NEBL: variants seen among roughly 807,000 people sequenced by gnomAD.
NEBL encodes nebulette, also known as LIM and SH3 protein 2.
In NEBL, 122 loss-of-function variants were observed where a neutral mutation model predicts 140.2. The ratio of observed to expected loss-of-function variants is 0.87; its 90% CI spans 0.75 to 1.01. NEBL has a LOEUF of 1.01. Ranked by LOEUF, NEBL falls within the 50% of genes least tolerant of loss-of-function variation. The probability of loss-of-function intolerance (pLI) is 0.00; values close to 1 mark genes in which losing one functional copy is unlikely to be tolerated. For missense variants in NEBL, 1,365 were observed against 1,231.3 expected (o/e 1.11, Z -1.62); for synonymous variants, 436 against 398.9 (o/e 1.09, Z -1.11).
intron 2 of NEBL, among the ~76,000 whole-genome samples, chr10:21,107,654 C>T (rs1357418636): frequency 1.3e-5 from 2 of 152,102 alleles, no homozygotes; most frequent in East Asian, 3.9e-4. Flanking sequence ...CTCTTCCAGG[C>T]TTTGGTATCA....
At chr10:21,288,820 G>GTGTGTATATA (rs1477748950) in intron 1 of NEBL, among the ~76,000 whole-genome samples, 2 of 35,026 alleles carry the variant, frequency 5.7e-5, no homozygotes, top group African/African-American at 1.9e-4. Context: ...GTGTGTGTGT[G>GTGTGTATATA]TATATATATA....
At chr10:21,031,416 G>A (rs1212925054) in intron 2 of NEBL, among the ~76,000 whole-genome samples, 1 of 152,184 alleles carries the variant, frequency 6.6e-6, no homozygotes, top group Non-Finnish European at 1.5e-5. Flanking sequence ...CAAAAACCAG[G>A]CATAGCAATG....
At chr10:21,208,788 A>ACCC (rs1199755956) in intron 3 of NEBL, among the ~76,000 whole-genome samples, 6 of 151,686 alleles carry the variant, frequency 4.0e-5, no homozygotes, top group Non-Finnish European at 8.8e-5. Context: ...CAGCCCTACA[A>ACCC]CCCCACTTAA....
intron 3 of NEBL, among the ~76,000 whole-genome samples, chr10:21,180,173 A>G (rs1208938976): frequency 6.6e-6 from 1 of 152,072 alleles, no homozygotes; most frequent in Non-Finnish European, 1.5e-5. Flanking sequence ...GCAAGGAAAC[A>G]GATTATCTCC....
intron 4 of NEBL, among the ~76,000 whole-genome samples, chr10:20,939,728 G>T (rs576446972): frequency 6.6e-6 from 1 of 152,024 alleles, no homozygotes; most frequent in African/African-American, 2.4e-5. Context: ...CAAAATAAAG[G>T]GATGGAGGAA....
intron 3 of NEBL, among the ~76,000 whole-genome samples, chr10:21,211,750 G>A (rs1003750521): frequency 6.6e-6 from 1 of 152,164 alleles, no homozygotes; most frequent in Non-Finnish European, 1.5e-5. Flanking sequence ...AATGAAGTTG[G>A]CCATTGCCAA....
intron 2 of NEBL, chr10:21,126,112 G>T (rs754676584): frequency 6.2e-7 from 1 of 1,609,826 alleles, no homozygotes; most frequent in Middle Eastern, 1.7e-4. Context: ...TCTCCGTTCT[G>T]CCTTACCAGG....
intron 26 of NEBL, among the ~76,000 whole-genome samples, chr10:20,803,230 A>C (rs1298219050): frequency 6.6e-6 from 1 of 152,242 alleles, no homozygotes; most frequent in African/African-American, 2.4e-5. Context: ...AGAATATATT[A>C]TACAGTTTCA....
At chr10:20,865,060 T>A (rs78227077) in intron 7 of NEBL, among the ~76,000 whole-genome samples, 125 of 152,292 alleles carry the variant, frequency 8.2e-4, no homozygotes, top group African/African-American at 2.8e-3. Flanking sequence ...GGGGAATTTT[T>A]GTGGATTGAA....
rs539992674 is a variant in NEBL, at chr10:20,932,423, G to T, written c.357+29249C>A. Among the ~76,000 whole-genome samples the T allele has an allele frequency of 3.3e-5, 5 of 152,224 alleles. No homozygotes were observed. The Middle Eastern group carries it at 0.01, about 311-fold the overall frequency. On this transcript the variant is annotated intron_variant, in intron 4 of 6. Transcript: ENST00000417816. The stretch of plus-strand genomic sequence containing the variant: ...ATCACACACCAGGGCCTGGGGCTGG[G>T]GGGTGGGGGAGAAAGGGGAGGGAGA...
intron 12 of NEBL, among the ~76,000 whole-genome samples, chr10:20,841,220 C>T (rs564658968): frequency 1.9e-4 from 29 of 152,090 alleles, no homozygotes; most frequent in African/African-American, 5.5e-4. Flanking sequence ...CAAAAAAGAA[C>T]ATGGTTGCAA....
chr10:20,884,700 A>G (rs1846324350), intron 4 of NEBL, among the ~76,000 whole-genome samples: 1 of 152,250 alleles, frequency 6.6e-6, no homozygotes, highest in South Asian at 2.1e-4. Flanking sequence ...CTTCTGAAAC[A>G]GAATCCTGTG....
At chr10:21,096,857 T>G (rs1837212071) in intron 2 of NEBL, among the ~76,000 whole-genome samples, 1 of 152,084 alleles carries the variant, frequency 6.6e-6, no homozygotes, top group Non-Finnish European at 1.5e-5. Context: ...ATCACATTGG[T>G]CTTTCTTTCA....
rs376881743 is a variant in NEBL at position 21,119,210 on chromosome 10, T to C, written c.164+53173A>G. On this transcript the variant is annotated intron_variant, in intron 2 of 6. Transcript: ENST00000417816. ...TTCTCATGAACCTGAATTTAACAGC[T>C]CAACATTTTTCTCCACTACCTCATC... Among the ~76,000 whole-genome samples the C allele has an allele frequency of 1.4e-3, 211 of 152,242 alleles. 1 individual carries two copies. The highest frequency in any genetic ancestry group is 2.5e-3 in the Non-Finnish European group (169 of 68,014).
chr10:21,033,626 G>C (rs1443833336), intron 2 of NEBL, among the ~76,000 whole-genome samples: 1 of 152,040 alleles, frequency 6.6e-6, no homozygotes. Context: ...TGTAGTCCCA[G>C]CTACTCGGGA....
chr10:20,832,084 T>C (rs540860691), intron 14 of NEBL, among the ~76,000 whole-genome samples: 3 of 152,288 alleles, frequency 2.0e-5, no homozygotes, highest in Middle Eastern at 3.4e-3. Context: ...TCTCTGGACT[T>C]AGCTGGGCTT....
At chr10:20,935,157 A>C (rs1233874836) in intron 4 of NEBL, among the ~76,000 whole-genome samples, 3 of 152,214 alleles carry the variant, frequency 2.0e-5, no homozygotes, top group African/African-American at 7.2e-5. Flanking sequence ...TCAGTCCTTC[A>C]ACACAGTGTG....
intron 3 of NEBL, among the ~76,000 whole-genome samples, chr10:21,186,126 G>A (rs79671745): frequency 6.6e-6 from 1 of 151,864 alleles, no homozygotes; most frequent in Non-Finnish European, 1.5e-5. Context: ...AAGACTTCAG[G>A]TGATACTAAG....
chr10:20,822,672 CTATAGATATAT>C (rs1839451841), intron 19 of NEBL, among the ~76,000 whole-genome samples: 1 of 89,218 alleles, frequency 1.1e-5, no homozygotes, highest in Non-Finnish European at 2.8e-5. Flanking sequence ...TATATAGAGA[CTATAGATATAT>C]AGATATATAG....
Sources: allele counts gnomAD v4.1 joint callset (sites outside exome capture counted in the v4.1 genomes callset), GRCh38; gene constraint gnomAD v4.1.1; transcripts MANE v1.5; gene names NCBI Gene and HGNC (gene_info 2026-07-23, HGNC 2026-07-21).